The following INPP4B variants were observed in gnomAD, a reference collection of about 807,000 sequenced individuals.
INPP4B encodes the protein inositol polyphosphate-4-phosphatase type II B.
INPP4B carries 55 observed loss-of-function variants against 122.5 expected under a neutral mutation model. The observed-to-expected ratio is 0.45, with a 90% CI of 0.36 to 0.56. INPP4B has a LOEUF of 0.56. INPP4B is among the 20% of genes least tolerant of loss of function. The probability of loss-of-function intolerance (pLI) is 0.00; values close to 1 mark genes in which losing one functional copy is unlikely to be tolerated. For missense variants in INPP4B, 1,000 were observed against 1,097.7 expected (o/e 0.91, Z 1.26); for synonymous variants, 403 against 388.7 (o/e 1.04, Z -0.43).
chr4:142,164,934 T>G (rs1274817722), intron 16 of INPP4B, among the ~76,000 whole-genome samples: 1 of 151,560 alleles, frequency 6.6e-6, no homozygotes, highest in Non-Finnish European at 1.5e-5. Context: ...TTTCAATTTC[T>G]TTTCTTGACT....
In INPP4B at chr4:142,077,805, A is replaced by C. The variant is rs150212870; in HGVS notation, c.2642+4226T>G. On this transcript the variant is annotated intron_variant, in intron 25 of 25. Coordinates refer to ENST00000262992, the MANE Select transcript of INPP4B (RefSeq NM_001101669.3). ...ATTTCAAAACTCAAGGGAAGGATAG[A>C]CATACCAGGTTTATAGTCTTGTCAT... Among the ~76,000 whole-genome samples the C allele has an allele frequency of 1.2e-4, 18 of 152,094 alleles. No homozygotes were observed. The East Asian group carries it at 3.5e-3, about 29-fold the overall frequency.
At chr4:142,296,234 C>T (rs1454678742) in intron 9 of INPP4B, among the ~76,000 whole-genome samples, 5 of 152,110 alleles carry the variant, frequency 3.3e-5, no homozygotes, top group African/African-American at 1.2e-4. Flanking sequence ...TAAGAAAGTG[C>T]TAATTGGTTT....
At chr4:142,148,821 T>C (rs972317115) in intron 17 of INPP4B, among the ~76,000 whole-genome samples, 9 of 152,124 alleles carry the variant, frequency 5.9e-5, no homozygotes, top group African/African-American at 2.2e-4. Flanking sequence ...GGGTTACATA[T>C]ATGGTAGGCA....
At chr4:142,049,297 T>C (rs1003856356) in intron 25 of INPP4B, among the ~76,000 whole-genome samples, 2 of 152,050 alleles carry the variant, frequency 1.3e-5, no homozygotes, top group African/African-American at 4.8e-5. Flanking sequence ...GTTCAAAGTT[T>C]GTTGGTTTTG....
chr4:142,460,750 C>G (rs1469629378), intron 3 of INPP4B, among the ~76,000 whole-genome samples: 1 of 152,100 alleles, frequency 6.6e-6, no homozygotes, highest in African/African-American at 2.4e-5. Context: ...TTGGAAGATG[C>G]TGAATTGGTC....
intron 1 of INPP4B, among the ~76,000 whole-genome samples, chr4:142,803,831 C>T (rs1008623236): frequency 2.0e-5 from 3 of 151,818 alleles, no homozygotes; most frequent in East Asian, 1.9e-4. Context: ...CCGAGACAGG[C>T]GGATCACATG....
At position 142,193,101 on chromosome 4, in the gene INPP4B, T is replaced by G; in HGVS notation, c.1167A>C (p.Glu389Asp). The G allele has an allele frequency of 6.2e-7, 1 of 1,605,236 alleles. No homozygotes were observed. The highest frequency in any genetic ancestry group is 8.5e-7 in the Non-Finnish European group (1 of 1,171,954). ...GGLRKLLHRFETERRNTGYQF... is the reference protein window; with the variant it reads ...GGLRKLLHRFDTERRNTGYQF... ...TCTTTACTTACTTTCTTCTTTCTGT[T>G]TCAAATCTATGGAGTAGCTTCCGAA... The change falls in exon 15 of 26, where the codon GAA becomes GAC. Residue 389 changes from glutamate (E) to aspartate (D), a missense_variant. Coordinates refer to ENST00000262992, the MANE Select transcript of INPP4B (RefSeq NM_001101669.3).
At chr4:142,510,756 T>C (rs1270179674) in intron 2 of INPP4B, among the ~76,000 whole-genome samples, 1 of 152,198 alleles carries the variant, frequency 6.6e-6, no homozygotes, top group African/African-American at 2.4e-5. Context: ...CAAGATTACC[T>C]GAGTTTCCTC....
intron 9 of INPP4B, among the ~76,000 whole-genome samples, chr4:142,277,026 C>T (rs1748801204): frequency 6.6e-6 from 1 of 151,856 alleles, no homozygotes; most frequent in African/African-American, 2.4e-5. Context: ...GCCATTCTTC[C>T]AGGAGTTAGG....
chr4:142,321,814 G>A (rs1770172682), intron 7 of INPP4B, among the ~76,000 whole-genome samples: 1 of 150,314 alleles, frequency 6.7e-6, no homozygotes, highest in Non-Finnish European at 1.5e-5. Context: ...TTTTATACCA[G>A]TACCATGCTG....
At chr4:142,458,680 T>C (rs1816033360) in intron 3 of INPP4B, among the ~76,000 whole-genome samples, 1 of 152,046 alleles carries the variant, frequency 6.6e-6, no homozygotes, top group Non-Finnish European at 1.5e-5. Flanking sequence ...TATTCACTCA[T>C]CTATAAAGGA....
At chr4:142,138,974 G>T (rs1012754920) in intron 18 of INPP4B, among the ~76,000 whole-genome samples, 1 of 152,038 alleles carries the variant, frequency 6.6e-6, no homozygotes, top group African/African-American at 2.4e-5. Flanking sequence ...ATTTTATCCA[G>T]TTTAATCTAT....
At chr4:142,669,028 C>T (rs1756590768) in intron 2 of INPP4B, among the ~76,000 whole-genome samples, 1 of 151,576 alleles carries the variant, frequency 6.6e-6, no homozygotes, top group South Asian at 2.1e-4. Context: ...TGTGCTCCAG[C>T]CTGGATGACA....
At chr4:142,519,658 G>C (rs907245866) in intron 2 of INPP4B, among the ~76,000 whole-genome samples, 2 of 152,114 alleles carry the variant, frequency 1.3e-5, no homozygotes, top group African/African-American at 4.8e-5. Flanking sequence ...TGTGAGTCAT[G>C]ATCACATTAT....
At position 142,358,276 on chromosome 4, in the gene INPP4B, G is replaced by C. The variant is rs531845864; in HGVS notation, c.373-43514C>G. On this transcript the variant is annotated intron_variant, in intron 7 of 25. Transcript: ENST00000262992. ...TTAAAAATACATAGGCTTTATTCTA[G>C]AGGTATGCATTCCATTTTGTTTTTA... 2.2e-4 allele frequency among the ~76,000 whole-genome samples: 33 copies of C among 152,008 alleles called. No individual in the cohort carries two copies. In the South Asian group the frequency reaches 4.4e-3, roughly 20 times the overall value.
chr4:142,405,238 G>A lies in INPP4B; in HGVS notation c.223C>T (p.Leu75=). 1.2e-6 allele frequency: 2 copies of A among 1,612,350 alleles called. No individual in the cohort carries two copies. Among genetic ancestry groups the A allele is most frequent in the Non-Finnish European group, 1.7e-6 (2 of 1,178,532 alleles). Residue 75 remains leucine (L), a synonymous_variant, in exon 6 of 26, where the codon CTG becomes TTG. Coordinates refer to ENST00000262992, the MANE Select transcript of INPP4B (RefSeq NM_001101669.3). ...ATTTCGGTGCTGGAGTATCTTGTCA[G>A]ACTCTGCTCCACGGGGTGGATTACG... is the stretch of plus-strand genomic sequence containing the variant. ...ISVIHPVEQS[L]TRYSSTEIVE...
intron 2 of INPP4B, among the ~76,000 whole-genome samples, chr4:142,653,467 C>A (rs1054285960): frequency 6.6e-6 from 1 of 152,148 alleles, no homozygotes; most frequent in African/African-American, 2.4e-5. Flanking sequence ...TTTTTGCAAT[C>A]TACCCATCTG....
At chr4:142,529,078 T>C (rs1023559164) in intron 2 of INPP4B, among the ~76,000 whole-genome samples, 1 of 152,138 alleles carries the variant, frequency 6.6e-6, no homozygotes, top group African/African-American at 2.4e-5. Flanking sequence ...AAATGAAATG[T>C]GTTGGCATTT....
intron 4 of INPP4B, among the ~76,000 whole-genome samples, chr4:142,430,043 G>A (rs1414496486): frequency 6.6e-6 from 1 of 152,102 alleles, no homozygotes; most frequent in Admixed American, 6.6e-5. Flanking sequence ...GGCAATAAAT[G>A]AAAGAGTATT....
Sources: allele counts gnomAD v4.1 joint callset (sites outside exome capture counted in the v4.1 genomes callset), GRCh38; gene constraint gnomAD v4.1.1; transcripts MANE v1.5; gene names NCBI Gene and HGNC (gene_info 2026-07-23, HGNC 2026-07-21).